The following CAPSL variants were observed in gnomAD, a reference collection of about 807,000 sequenced individuals.
The protein encoded by CAPSL is calcyphosin-like protein.
Under a neutral mutation model 21.3 loss-of-function variants are expected in CAPSL, and 17 were observed. The observed-to-expected ratio is 0.80, with a 90% CI of 0.55 to 1.20. CAPSL has a LOEUF of 1.20. Ranked by LOEUF, CAPSL falls within the 50% of genes most tolerant of loss-of-function variation. The probability of loss-of-function intolerance (pLI) is 0.00; values close to 1 mark genes in which losing one functional copy is unlikely to be tolerated. For missense variants in CAPSL, 289 were observed against 259.3 expected (o/e 1.11, Z -0.79); for synonymous variants, 102 against 89.3 (o/e 1.14, Z -0.80).
At chr5:35,935,099 C>T (rs980545338) in intron 1 of CAPSL, among the ~76,000 whole-genome samples, 1 of 152,172 alleles carries the variant, frequency 6.6e-6, no homozygotes, top group Non-Finnish European at 1.5e-5. Context: ...CTATGTTTCT[C>T]TTTGGTTCTG....
At chr5:35,909,683 A>G (rs895639927) in intron 4 of CAPSL, 183 bp downstream of exon 4, 7 of 603,872 alleles carry the variant, frequency 1.2e-5, no homozygotes, top group African/African-American at 1.9e-5. Flanking sequence ...GGTTTCAACT[A>G]AAGTAACATG....
At chr5:35,924,036 G>T (rs1161773548) in intron 1 of CAPSL, among the ~76,000 whole-genome samples, 1 of 151,658 alleles carries the variant, frequency 6.6e-6, no homozygotes. Context: ...AAAATTTAAA[G>T]TGTGCTGGGC....
intron 1 of CAPSL, among the ~76,000 whole-genome samples, chr5:35,935,574 A>G (rs1441905912): frequency 1.3e-5 from 2 of 152,112 alleles, no homozygotes; most frequent in Admixed American, 1.3e-4. Flanking sequence ...AGCTCAAGCA[A>G]TCCTCCCACC....
chr5:35,921,610 AT>A (rs1738540476), intron 1 of CAPSL, among the ~76,000 whole-genome samples: 1 of 152,112 alleles, frequency 6.6e-6, no homozygotes. Flanking sequence ...GGTCTCCTTG[AT>A]TCACAGGTTA....
At chr5:35,923,364 A>G (rs1738587900) in intron 1 of CAPSL, among the ~76,000 whole-genome samples, 1 of 152,166 alleles carries the variant, frequency 6.6e-6, no homozygotes, top group Admixed American at 6.5e-5. Flanking sequence ...TGGTGCCCCC[A>G]CTAGGTAGTA....
chr5:35,934,028 T>G (rs1738883588), intron 1 of CAPSL, among the ~76,000 whole-genome samples: 1 of 152,228 alleles, frequency 6.6e-6, no homozygotes, highest in Non-Finnish European at 1.5e-5. Context: ...TGTCTTGTAA[T>G]GCCATCTTCT....
rs762619872 is a variant in CAPSL at position 35,909,962 on chromosome 5, T to C, written c.429A>G (p.Lys143=). 1 of 1,613,940 alleles carries C rather than the reference T, an allele frequency of 6.2e-7. No individual in the cohort carries two copies. Among genetic ancestry groups the C allele is most frequent in the South Asian group, 1.1e-5 (1 of 90,996 alleles). Residue 143 remains lysine (K), a synonymous_variant, in exon 4 of 5, where the codon AAA becomes AAG. Transcript: ENST00000651391. ...CCCCATTCTGGTACTTTGGGTGGTG[T>C]TTTGCATTATATACTTCACGAAGGT... ...IEDLREVYNA[K]HHPKYQNGEW...
At chr5:35,909,045 A>C in intron 4 of CAPSL, among the ~76,000 whole-genome samples, 1 of 150,420 alleles carries the variant, frequency 6.6e-6, no homozygotes, top group African/African-American at 2.4e-5. Context: ...TTTCCTTATC[A>C]CCAAAACCCT....
chr5:35,910,357 G>A lies in CAPSL; in HGVS notation c.315+9C>T, dbSNP rs539362676. ...CTCAGCAGATACACTGATTAATGGG[G>A]CCACTTACTCTTAATGTGAGAAGAA... On this transcript the variant is annotated intron_variant, in intron 3 of 4. Transcript: ENST00000651391. 10 of 1,610,894 alleles carry A rather than the reference G, an allele frequency of 6.2e-6. No homozygotes were observed. The highest frequency in any genetic ancestry group is 1.3e-5 in the African/African-American group (1 of 74,896).
intron 1 of CAPSL, among the ~76,000 whole-genome samples, chr5:35,932,771 T>G (rs1465658850): frequency 6.6e-6 from 1 of 152,254 alleles, no homozygotes; most frequent in African/African-American, 2.4e-5. Flanking sequence ...ATCACTCTGA[T>G]GCAGAAGACT....
intron 1 of CAPSL, among the ~76,000 whole-genome samples, chr5:35,931,524 A>AG (rs1320879549): frequency 6.6e-6 from 1 of 151,322 alleles, no homozygotes; most frequent in Non-Finnish European, 1.5e-5. Context: ...TGGGAATGTC[A>AG]GGGGGCATTC....
At chr5:35,908,286 C>T (rs186512892) in intron 4 of CAPSL, among the ~76,000 whole-genome samples, 101 of 152,316 alleles carry the variant, frequency 6.6e-4, no homozygotes, top group Middle Eastern at 3.4e-3. Flanking sequence ...CTAATAAATC[C>T]TCCCTGATGA....
At chr5:35,914,190 A>G (rs1357583200) in intron 2 of CAPSL, among the ~76,000 whole-genome samples, 1 of 152,232 alleles carries the variant, frequency 6.6e-6, no homozygotes, top group East Asian at 1.9e-4. Flanking sequence ...CCAATACAAG[A>G]GCACGCAGAT....
At position 35,916,998 on chromosome 5, in the gene CAPSL, T is replaced by G. The variant is rs190343075; in HGVS notation, c.137+3986A>C. Among the ~76,000 whole-genome samples, 797 of 152,038 alleles carry G rather than the reference T, an allele frequency of 5.2e-3. 8 individuals are homozygous for G. The highest frequency in any genetic ancestry group is 0.033 in the South Asian group (158 of 4,810). On this transcript the variant is annotated intron_variant, in intron 2 of 4. Transcript: ENST00000651391. Reference sequence around the variant, plus strand: ...AAGGGCTAATATCCAGAATCTACAATGAACTCAAACAAATTTACAAGAAAA... The same window carrying G: ...AAGGGCTAATATCCAGAATCTACAAGGAACTCAAACAAATTTACAAGAAAA...
chr5:35,921,363 C>T (rs1481651302), intron 1 of CAPSL, among the ~76,000 whole-genome samples: 5 of 152,128 alleles, frequency 3.3e-5, no homozygotes, highest in Admixed American at 6.5e-5. Flanking sequence ...CACCATTTCC[C>T]AAGATGTTTT....
At chr5:35,913,025 A>G (rs1394233823) in intron 2 of CAPSL, among the ~76,000 whole-genome samples, 1 of 152,246 alleles carries the variant, frequency 6.6e-6, no homozygotes, top group Non-Finnish European at 1.5e-5. Context: ...GACCTGACGG[A>G]GCTGAAAACC....
intron 3 of CAPSL, 116 bp downstream of exon 3, chr5:35,910,250 C>T: frequency 1.6e-6 from 2 of 1,229,206 alleles, no homozygotes; most frequent in Non-Finnish European, 2.3e-6. Context: ...CAGTTTTCTG[C>T]TTATCCCCCT....
chr5:35,909,237 T>A (rs1304573823), intron 4 of CAPSL, among the ~76,000 whole-genome samples: 1 of 152,156 alleles, frequency 6.6e-6, no homozygotes, highest in Non-Finnish European at 1.5e-5. Context: ...TTAATGGAGA[T>A]GGGCGGTTGA....
chr5:35,919,162 A>T (rs530170423), intron 2 of CAPSL, among the ~76,000 whole-genome samples: 3 of 118,276 alleles, frequency 2.5e-5, no homozygotes, highest in African/African-American at 6.9e-5. Flanking sequence ...TTCCTGATTA[A>T]AAAAAAAAAT....
Sources: allele counts gnomAD v4.1 joint callset (sites outside exome capture counted in the v4.1 genomes callset), GRCh38; gene constraint gnomAD v4.1.1; transcripts MANE v1.5; gene names NCBI Gene and HGNC (gene_info 2026-07-23, HGNC 2026-07-21).